The following LBR variants were observed in gnomAD, a reference collection of about 807,000 sequenced individuals.
The protein encoded by LBR is delta(14)-sterol reductase LBR.
In LBR, 28 loss-of-function variants were observed where a neutral mutation model predicts 74.3. That is an observed-to-expected ratio of 0.38 (90% CI 0.28 to 0.52). The LOEUF (loss-of-function observed/expected upper bound fraction) is 0.52, where lower values mean the gene tolerates loss of function less well. LBR is among the 20% of genes least tolerant of loss of function. LBR has a pLI of 0.89. For synonymous variants in LBR, 228 were observed against 269.3 expected, an observed-to-expected ratio of 0.85 and a Z score of 1.50; for missense variants, 717 against 760.3, an observed-to-expected ratio of 0.94 and a Z score of 0.67.
intron 4 of LBR, 50 bp downstream of exon 4, chr1:225,419,665 A>G: frequency 7.2e-7 from 1 of 1,381,450 alleles, no homozygotes; most frequent in Non-Finnish European, 1.0e-6. Context: ...ACTTTTAACC[A>G]AAAAAAAGAA....
intron 10 of LBR, among the ~76,000 whole-genome samples, chr1:225,407,643 G>C (rs2096095118): frequency 6.6e-6 from 1 of 152,186 alleles, no homozygotes; most frequent in African/African-American, 2.4e-5. Context: ...TGGCCTAAGG[G>C]AATCTCTAAA....
intron 3 of LBR, 77 bp downstream of exon 3, chr1:225,422,000 T>C: frequency 7.3e-7 from 1 of 1,370,074 alleles, no homozygotes; most frequent in South Asian, 1.2e-5. Context: ...ATTTTAATAT[T>C]ATTAACTGCA....
At chr1:225,418,227 TA>T in intron 5 of LBR, 47 bp from the exon 6 acceptor site, 1 of 1,553,980 alleles carries the variant, frequency 6.4e-7, no homozygotes, top group Non-Finnish European at 8.8e-7. Context: ...CAATCTGGTT[TA>T]TTTATTTAAG....
chr1:225,405,880 A>G (rs576045299), intron 11 of LBR, among the ~76,000 whole-genome samples: 1 of 152,350 alleles, frequency 6.6e-6, no homozygotes, highest in African/African-American at 2.4e-5. Flanking sequence ...TACCACAGAT[A>G]CTAACTTGTG....
chr1:225,418,693 C>G (rs905580805), intron 5 of LBR, among the ~76,000 whole-genome samples: 1 of 152,230 alleles, frequency 6.6e-6, no homozygotes, highest in Non-Finnish European at 1.5e-5. Context: ...AGCAATTAAG[C>G]CATGCAGGAT....
intron 11 of LBR, 118 bp from the exon 12 acceptor site, chr1:225,404,824 T>C: frequency 1.3e-6 from 1 of 793,852 alleles, no homozygotes; most frequent in Non-Finnish European, 2.1e-6. Context: ...CAAAGCAGAC[T>C]CCTAGGCTCA....
At chr1:225,425,591 T>A (rs1169119671) in intron 1 of LBR, among the ~76,000 whole-genome samples, 3 of 152,136 alleles carry the variant, frequency 2.0e-5, no homozygotes, top group African/African-American at 4.8e-5. Flanking sequence ...AGCAGGGGCA[T>A]AAAAACGGAA....
intron 6 of LBR, 48 bp from the exon 7 acceptor site, chr1:225,415,380 A>G (rs2096115084): frequency 1.1e-6 from 1 of 909,424 alleles, no homozygotes; most frequent in African/African-American, 1.7e-5. Flanking sequence ...TCACCATCAT[A>G]TATACATATA....
rs1308952339 is a variant in LBR at position 225,402,210 on chromosome 1, G to C, written c.*1093C>G. The C allele has an allele frequency of 6.6e-6, 1 of 152,038 alleles. No homozygotes were observed. Among genetic ancestry groups the C allele is most frequent in the East Asian group, 1.9e-4 (1 of 5,200 alleles). The allele number at this position is 152,038 out of a possible 1,614,324, so 9.4% of individuals were successfully genotyped here. On this transcript the variant is annotated 3_prime_UTR_variant, in exon 14 of 14. Transcript: ENST00000272163. ...GGGAGTCAGGTTTGGTAAATATAAAGGATACATAAAAAATACAGTATAAAC... is the reference window on the plus strand; with the variant it reads ...GGGAGTCAGGTTTGGTAAATATAAACGATACATAAAAAATACAGTATAAAC...
Position 225,403,436 on chromosome 1 carries a change from T to C in LBR, c.1715A>G (p.Tyr572Cys), listed in dbSNP as rs2096085267. The change falls in exon 14 of 14, where the codon TAC becomes TGC. Residue 572 changes from tyrosine to cysteine, a missense_variant. Transcript: ENST00000272163. ...AAGCAACATGGTGAAATAAATTATG[T>C]AGAAATAAGGCAGAATGTGGTTAAA... ...CGFNHILPYF[Y>C]IIYFTMLLVH... 4 of 1,612,470 alleles carry C rather than the reference T, an allele frequency of 2.5e-6. No homozygotes were observed. The highest frequency in any genetic ancestry group is 3.4e-6 in the Non-Finnish European group (4 of 1,178,600).
rs1188318167 is a variant in LBR at position 225,403,095 on chromosome 1, T to G, written c.*208A>C. 5.3e-6 allele frequency: 3 copies of G among 565,256 alleles called. No homozygotes were observed. The African/African-American group carries it at 5.6e-5, about 11-fold the overall frequency. 35.0% of individuals were successfully genotyped at this position (565,256 alleles called of 1,614,324 possible). On this transcript the variant is annotated 3_prime_UTR_variant, in exon 14 of 14. Coordinates refer to ENST00000272163, the MANE Select transcript of LBR (RefSeq NM_002296.4). ...ATGCAAATTCTCACATCCTTACTTG[T>G]ATTTTTCCTATGTTAACTGTAAGTT...
At chr1:225,428,737 A>G (rs1226332294), upstream of LBR, 4 of 152,232 alleles carry the variant, frequency 2.6e-5, no homozygotes, top group East Asian at 3.9e-4. Context: ...GTTACCCGAG[A>G]TGCTGTCGAG....
intron 9 of LBR, 150 bp from the exon 10 acceptor site, chr1:225,410,566 T>C (rs1305528929): frequency 1.0e-5 from 8 of 774,806 alleles, no homozygotes; most frequent in South Asian, 4.4e-5. Context: ...CTCAGCACCA[T>C]GGGCCCCTGG....
At chr1:225,413,675 T>C (rs1034491546) in intron 7 of LBR, among the ~76,000 whole-genome samples, 5 of 152,236 alleles carry the variant, frequency 3.3e-5, no homozygotes, top group African/African-American at 1.2e-4. Context: ...AAAGAATGGT[T>C]AGATAAAGCA....
chr1:225,426,098 T>G (rs1312146114), intron 1 of LBR, among the ~76,000 whole-genome samples: 1 of 152,198 alleles, frequency 6.6e-6, no homozygotes, highest in Non-Finnish European at 1.5e-5. Context: ...AAAAGAAGAA[T>G]TAAGATTTGC....
chr1:225,419,644 A>G, intron 4 of LBR, 71 bp downstream of exon 4: 1 of 1,169,676 alleles, frequency 8.5e-7, no homozygotes, highest in Non-Finnish European at 1.3e-6. Flanking sequence ...TGTGCTTCTC[A>G]AGGGAGAGTC....
intron 2 of LBR, 85 bp downstream of exon 2, chr1:225,423,826 C>A: frequency 7.5e-7 from 1 of 1,325,098 alleles, no homozygotes; most frequent in Non-Finnish European, 1.1e-6. Context: ...CCGAGCTGAA[C>A]TGACTATCCT....
chr1:225,414,498 A>G (rs1163513751), intron 7 of LBR, among the ~76,000 whole-genome samples: 1 of 152,232 alleles, frequency 6.6e-6, no homozygotes, highest in African/African-American at 2.4e-5. Context: ...CAAATGACAA[A>G]GCTGGACTGA....
chr1:225,423,872 T>C (rs775688812), intron 2 of LBR, 39 bp downstream of exon 2: 1 of 1,574,116 alleles, frequency 6.4e-7, no homozygotes, highest in Non-Finnish European at 8.7e-7. Context: ...ATTTCCCACT[T>C]ACTGTAAACA....
Sources: allele counts gnomAD v4.1 joint callset (sites outside exome capture counted in the v4.1 genomes callset), GRCh38; gene constraint gnomAD v4.1.1; transcripts MANE v1.5; gene names NCBI Gene and HGNC (gene_info 2026-07-23, HGNC 2026-07-21).